The following CD99L2 variants were observed in gnomAD, a reference collection of about 807,000 sequenced individuals.
CD99L2 encodes CD99 molecule like 2.
In CD99L2, 24 loss-of-function variants were observed where a neutral mutation model predicts 27.3. The observed-to-expected ratio is 0.88, with a 90% CI of 0.64 to 1.24. CD99L2 has a LOEUF of 1.24. Among genes scored for constraint, CD99L2 ranks in the 50% most tolerant of loss-of-function variants. CD99L2 has a pLI of 0.00. For missense variants in CD99L2, 255 were observed against 221.6 expected (o/e 1.15, Z -0.96); for synonymous variants, 97 against 87.9 (o/e 1.10, Z -0.58).
chrX:150,886,429 G>A (rs2047410526), intron 1 of CD99L2, among the ~76,000 whole-genome samples: 1 of 112,314 alleles, frequency 8.9e-6, no homozygotes, highest in African/African-American at 3.2e-5. Context: ...GCTTGCCTTT[G>A]TATTACAACT....
intron 7 of CD99L2, among the ~76,000 whole-genome samples, chrX:150,786,054 A>C (rs2045589083): frequency 8.9e-6 from 1 of 111,747 alleles, no homozygotes; most frequent in Non-Finnish European, 1.9e-5. Context: ...GTTCAGCTTT[A>C]GAAGAAACTT....
intron 1 of CD99L2, among the ~76,000 whole-genome samples, chrX:150,870,329 C>T (rs782425396): frequency 4.5e-5 from 5 of 111,618 alleles, no homozygotes; most frequent in Non-Finnish European, 5.6e-5. Context: ...CAAAGACAGG[C>T]GGACGAATTA....
At chrX:150,861,800 G>A (rs1603308010) in intron 1 of CD99L2, among the ~76,000 whole-genome samples, 1 of 109,577 alleles carries the variant, frequency 9.1e-6, no homozygotes, top group South Asian at 4.0e-4. Context: ...CAGCTACTCG[G>A]GAGGCTGAGG....
intron 4 of CD99L2, among the ~76,000 whole-genome samples, chrX:150,809,680 T>C (rs1472301688): frequency 2.7e-5 from 3 of 111,565 alleles, no homozygotes; most frequent in African/African-American, 9.8e-5. Context: ...TAAGATAAAA[T>C]AGTCCAATGG....
At chrX:150,791,903 A>G (rs1191478046) in intron 7 of CD99L2, among the ~76,000 whole-genome samples, 2 of 111,885 alleles carry the variant, frequency 1.8e-5, no homozygotes, top group African/African-American at 6.5e-5. Context: ...TGTTTCAAAA[A>G]TACACTCCAA....
chrX:150,865,066 CAA>C (rs782313986), intron 1 of CD99L2, among the ~76,000 whole-genome samples: 6 of 51,040 alleles, frequency 1.2e-4, no homozygotes, highest in Admixed American at 2.1e-4. Flanking sequence ...GACCCTGTCT[CAA>C]AAAAAAAAAA....
intron 4 of CD99L2, among the ~76,000 whole-genome samples, chrX:150,812,977 C>CT (rs782679976): frequency 7.4e-5 from 8 of 107,938 alleles, no homozygotes; most frequent in South Asian, 3.9e-4. Context: ...TGAAATACAA[C>CT]TTTTTTTTTT....
At chrX:150,865,638 C>A (rs967031678) in intron 1 of CD99L2, among the ~76,000 whole-genome samples, 1 of 111,910 alleles carries the variant, frequency 8.9e-6, no homozygotes, top group East Asian at 2.8e-4. Flanking sequence ...GGGCCTGGCC[C>A]ATCACAGTGA....
chrX:150,767,975 G>A lies in CD99L2; in HGVS notation c.*1059C>T, dbSNP rs2043339400. The A allele has an allele frequency of 1.8e-5, 2 of 112,250 alleles. No homozygotes were observed. The highest frequency in any genetic ancestry group is 1.9e-4 in the Admixed American group (2 of 10,716). 9.3% of individuals were successfully genotyped at this position (112,250 alleles called of 1,213,427 possible). The stretch of plus-strand genomic sequence containing the variant: ...ATGGGGTTCCTGTGTTTGCCACGGT[G>A]AGCATGGCTCCCCACGCACTCTCCC... On this transcript the variant is annotated 3_prime_UTR_variant, in exon 11 of 11. Coordinates refer to ENST00000370377, the MANE Select transcript of CD99L2 (RefSeq NM_031462.4).
chrX:150,886,683 C>G (rs2047415343), intron 1 of CD99L2, among the ~76,000 whole-genome samples: 1 of 112,354 alleles, frequency 8.9e-6, no homozygotes, highest in Non-Finnish European at 1.9e-5. Flanking sequence ...TCGGCAATGT[C>G]TGGAGTTATT....
chrX:150,845,591 T>C (rs1209903066), intron 1 of CD99L2, among the ~76,000 whole-genome samples: 1 of 110,470 alleles, frequency 9.1e-6, no homozygotes, highest in Non-Finnish European at 1.9e-5. Flanking sequence ...GTAGCAGACA[T>C]AGAAACTGCC....
At chrX:150,850,248 T>A (rs983685576) in intron 1 of CD99L2, among the ~76,000 whole-genome samples, 5 of 112,124 alleles carry the variant, frequency 4.5e-5, no homozygotes, top group Non-Finnish European at 1.9e-5. Flanking sequence ...GAATCTAGCT[T>A]GCCTACTTTC....
At chrX:150,885,381 A>AC (rs1557422595) in intron 1 of CD99L2, among the ~76,000 whole-genome samples, 16 of 109,310 alleles carry the variant, frequency 1.5e-4, no homozygotes, top group Admixed American at 3.8e-4. Flanking sequence ...CAACAACAAA[A>AC]AAACAACAAC....
At chrX:150,881,811 T>G (rs1198733907) in intron 1 of CD99L2, among the ~76,000 whole-genome samples, 1 of 105,447 alleles carries the variant, frequency 9.5e-6, no homozygotes, top group East Asian at 3.0e-4. Context: ...CAGTACTCTT[T>G]CCAATTTTTT....
At chrX:150,879,510 C>G (rs1407312413) in intron 1 of CD99L2, among the ~76,000 whole-genome samples, 13 of 110,244 alleles carry the variant, frequency 1.2e-4, no homozygotes, top group African/African-American at 4.3e-4. Flanking sequence ...ACATGAAGGA[C>G]TCACCGTGAT....
rs191868936 is a variant in CD99L2 at position 150,824,613 on chromosome X, A to G, written c.130+6618T>C. 5.7e-3 allele frequency among the ~76,000 whole-genome samples: 493 copies of G among 86,217 alleles called. 5 individuals carry two copies. The highest frequency in any genetic ancestry group is 0.021 in the African/African-American group (465 of 22,296). 74.9% of individuals were successfully genotyped at this position (86,217 alleles called of 115,157 possible). A position where few individuals can be genotyped will look rare whatever the true frequency, so the allele number is the denominator to read the frequency against. ...GGAGAAGAAGAAGGAGGAGAAGAAG[A>G]AGGAGAAGAAGGAGGAGAAGAAGGA... On this transcript the variant is annotated intron_variant, in intron 2 of 10. Coordinates refer to ENST00000370377, the MANE Select transcript of CD99L2 (RefSeq NM_031462.4).
chrX:150,785,817 G>C (rs1557419546), intron 7 of CD99L2, among the ~76,000 whole-genome samples: 4 of 112,120 alleles, frequency 3.6e-5, no homozygotes, highest in Non-Finnish European at 5.6e-5. Context: ...TGTCGTATCA[G>C]TAACTCATCC....
intron 1 of CD99L2, among the ~76,000 whole-genome samples, chrX:150,837,852 T>G (rs782479774): frequency 8.9e-6 from 1 of 112,428 alleles, no homozygotes; most frequent in African/African-American, 3.2e-5. Context: ...CTGTCTCTCA[T>G]GGAGGTGAAG....
In CD99L2 at chrX:150,816,086, G is replaced by C. The variant is rs1235866222; in HGVS notation, c.131-8C>G. The stretch of plus-strand genomic sequence containing the variant: ...TGGTGTGGTCCCATGGCTCTAAAAG[G>C]GAGAGGGAGGACAGCAAGGGGAGCA... On this transcript the variant is annotated splice_polypyrimidine_tract_variant and splice_region_variant and intron_variant, in intron 2 of 10. Transcript: ENST00000370377. The C allele has an allele frequency of 1.7e-6, 2 of 1,206,367 alleles. No individual in the cohort carries two copies. Among genetic ancestry groups the C allele is most frequent in the African/African-American group, 3.5e-5 (2 of 56,963 alleles).
Sources: gnomAD v4.1 joint callset for allele counts (sites outside exome capture counted in the v4.1 genomes callset) on GRCh38, gnomAD v4.1.1 for gene constraint, MANE v1.5 for transcripts, NCBI Gene and HGNC (gene_info 2026-07-23, HGNC 2026-07-21) for gene names.